Variants in SYT14 observed in about 807,000 individuals in gnomAD.
The protein encoded by SYT14 is synaptotagmin 14.
A neutral mutation model predicts 74.2 loss-of-function variants in SYT14; 32 were observed. That is an observed-to-expected ratio of 0.43 (90% CI 0.33 to 0.58). SYT14 has a LOEUF of 0.58. Ranked by LOEUF, SYT14 falls within the 20% of genes least tolerant of loss-of-function variation. The pLI is 0.05. For missense variants in SYT14, 791 were observed against 981.8 expected (o/e 0.81, Z 2.60); for synonymous variants, 298 against 337.7 (o/e 0.88, Z 1.29).
chr1:210,001,998 A>G (rs2079909366), intron 2 of SYT14, among the ~76,000 whole-genome samples: 4 of 152,180 alleles, frequency 2.6e-5, no homozygotes, highest in African/African-American at 9.7e-5. Flanking sequence ...TACATTTTGA[A>G]GGGCTCATTC....
At chr1:210,109,107 GA>G (rs1558194569) in intron 7 of SYT14, among the ~76,000 whole-genome samples, 1 of 150,736 alleles carries the variant, frequency 6.6e-6, no homozygotes, top group African/African-American at 2.4e-5. Context: ...AAATTTACAA[GA>G]AAAAAACAAC....
chr1:209,970,414 G>C (rs766828219), intron 2 of SYT14, among the ~76,000 whole-genome samples: 1 of 151,846 alleles, frequency 6.6e-6, no homozygotes, highest in Admixed American at 6.6e-5. Context: ...TGTCCTCTTG[G>C]TCTATGTGTC....
chr1:209,942,693 C>G (rs2078755168), intron 1 of SYT14, among the ~76,000 whole-genome samples: 1 of 152,180 alleles, frequency 6.6e-6, no homozygotes, highest in Non-Finnish European at 1.5e-5. Flanking sequence ...CTTAAAACCT[C>G]AAGATAAGGC....
exon 10 of SYT14, chr1:210,162,870 A>G (rs1333049503): frequency 2.2e-6 from 1 of 453,514 alleles, no homozygotes; most frequent in Non-Finnish European, 4.4e-6. Context: ...AATGTGTGTT[A>G]CAGGGCTGCA....
chr1:210,085,357 T>C (rs542959516), intron 5 of SYT14, among the ~76,000 whole-genome samples: 1 of 152,352 alleles, frequency 6.6e-6, no homozygotes, highest in East Asian at 1.9e-4. Flanking sequence ...CCAATCATTT[T>C]ACATCTTCTT....
chr1:210,151,344 C>A (rs1398622117), intron 7 of SYT14, among the ~76,000 whole-genome samples: 2 of 152,110 alleles, frequency 1.3e-5, no homozygotes, highest in South Asian at 4.1e-4. Flanking sequence ...GAGGAGTAGT[C>A]TGAGGAAAGC....
chr1:210,078,087 G>C (rs1309999444), intron 5 of SYT14, among the ~76,000 whole-genome samples: 1 of 152,044 alleles, frequency 6.6e-6, no homozygotes, highest in Non-Finnish European at 1.5e-5. Flanking sequence ...GAGGCGGGCG[G>C]ATCACGAGGT....
chr1:210,091,046 A>G (rs892502549), intron 5 of SYT14, among the ~76,000 whole-genome samples: 10 of 152,190 alleles, frequency 6.6e-5, no homozygotes, highest in Non-Finnish European at 1.2e-4. Context: ...TCACAGCTTT[A>G]ATGTTGTTTC....
chr1:209,977,505 C>G (rs1253304803), intron 2 of SYT14, among the ~76,000 whole-genome samples: 3 of 152,134 alleles, frequency 2.0e-5, no homozygotes, highest in Non-Finnish European at 2.9e-5. Flanking sequence ...GTTGAAAATT[C>G]TTTTCTTTAA....
intron 2 of SYT14, among the ~76,000 whole-genome samples, chr1:210,009,502 G>C (rs1388511000): frequency 6.6e-6 from 1 of 151,914 alleles, no homozygotes; most frequent in East Asian, 1.9e-4. Flanking sequence ...AGTGGGGAAA[G>C]CTGCTTTTTT....
chr1:210,095,404 C>T (rs1237627133), intron 6 of SYT14, among the ~76,000 whole-genome samples: 1 of 152,168 alleles, frequency 6.6e-6, no homozygotes, highest in African/African-American at 2.4e-5. Context: ...CAGGTGTGCA[C>T]CACCACACCC....
At chr1:209,991,863 T>C (rs1281888716) in intron 2 of SYT14, among the ~76,000 whole-genome samples, 7 of 151,592 alleles carry the variant, frequency 4.6e-5, no homozygotes, top group Non-Finnish European at 8.8e-5. Flanking sequence ...ATAACAGATA[T>C]TGACGGGGAT....
At chr1:210,139,324 A>G (rs544369826) in intron 7 of SYT14, among the ~76,000 whole-genome samples, 1 of 128,902 alleles carries the variant, frequency 7.8e-6, no homozygotes, top group South Asian at 2.4e-4. Context: ...CATGTTGCCC[A>G]GGCTGGTCTC....
intron 5 of SYT14, among the ~76,000 whole-genome samples, chr1:210,050,120 C>T (rs2080964268): frequency 6.6e-6 from 1 of 152,162 alleles, no homozygotes; most frequent in Admixed American, 6.5e-5. Flanking sequence ...AACTTTTATG[C>T]TCTGTTTCCC....
At position 210,103,442 on chromosome 1, in the gene SYT14, C is replaced by T. The variant is rs186342969; in HGVS notation, c.2034+2981C>T. On this transcript the variant is annotated intron_variant, in intron 7 of 9. Transcript: ENST00000637265. ...GCAGGTGCCTGTAGTCCCAGCTACT[C>T]GGGAGGCTGAGACAGGAGAATGGTG... Among the ~76,000 whole-genome samples, 235 of 147,454 alleles carry T rather than the reference C, an allele frequency of 1.6e-3. 1 individual carries two copies. The highest frequency in any genetic ancestry group is 5.5e-3 in the African/African-American group (219 of 40,174).
chr1:210,144,415 G>A (rs757903242), intron 7 of SYT14, among the ~76,000 whole-genome samples: 1 of 152,064 alleles, frequency 6.6e-6, no homozygotes, highest in Non-Finnish European at 1.5e-5. Context: ...CTGAAGTATG[G>A]AGATGCTAAA....
exon 10 of SYT14, chr1:210,163,249 T>C (rs2083408890): frequency 2.2e-6 from 1 of 453,760 alleles, no homozygotes; most frequent in South Asian, 1.6e-5. Context: ...CTAATTGTTA[T>C]TTGTTAAATC....
At chr1:210,130,273 CCTT>C (rs1187547109) in intron 7 of SYT14, among the ~76,000 whole-genome samples, 1 of 151,938 alleles carries the variant, frequency 6.6e-6, no homozygotes, top group Non-Finnish European at 1.5e-5. Flanking sequence ...TTATTTCTCT[CCTT>C]GATTCATTAG....
In SYT14 at chr1:209,960,882, A is replaced by T. The variant is rs563220986; in HGVS notation, c.-486+8126A>T. Among the ~76,000 whole-genome samples, 19 of 152,306 alleles carry T rather than the reference A, an allele frequency of 1.2e-4. 1 individual carries two copies. In the South Asian group the frequency reaches 3.3e-3, roughly 27 times the overall value. On this transcript the variant is annotated intron_variant, in intron 2 of 9. Transcript: ENST00000637265. The stretch of plus-strand genomic sequence containing the variant: ...TAGAATAATACACTTATAAGAGAGT[A>T]CAAGGTGTGAGAGATGAAAATTTGG...
Sources: gnomAD v4.1 joint callset for allele counts (sites outside exome capture counted in the v4.1 genomes callset) on GRCh38, gnomAD v4.1.1 for gene constraint, MANE v1.5 for transcripts, NCBI Gene and HGNC (gene_info 2026-07-23, HGNC 2026-07-21) for gene names.